The following PLPPR1 variants were observed in gnomAD, a reference collection of about 807,000 sequenced individuals.
PLPPR1 encodes phospholipid phosphatase-related protein type 1.
A neutral mutation model predicts 33.1 loss-of-function variants in PLPPR1; 10 were observed. That is an observed-to-expected ratio of 0.30 (90% CI 0.19 to 0.51). The LOEUF is 0.51. Among genes scored for constraint, PLPPR1 ranks in the 20% least tolerant of loss-of-function variants. The pLI is 0.97. For missense variants in PLPPR1, 304 were observed against 408.1 expected (o/e 0.74, Z 2.20); for synonymous variants, 151 against 151.0 (o/e 1.00, Z 0.00).
At chr9:101,098,634 G>C (rs1164278279) in intron 1 of PLPPR1, among the ~76,000 whole-genome samples, 1 of 152,102 alleles carries the variant, frequency 6.6e-6, no homozygotes, top group East Asian at 1.9e-4. Flanking sequence ...AACCCATCAG[G>C]GAAGCAGGCA....
chr9:101,046,435 C>CTTTTTTTTTTT (rs527884198), intron 1 of PLPPR1, among the ~76,000 whole-genome samples: 33 of 116,780 alleles, frequency 2.8e-4, no homozygotes, highest in African/African-American at 3.5e-4. Context: ...CTCTTTTATT[C>CTTTTTTTTTTT]TTTTTTTTTT....
At chr9:101,181,168 T>C (rs1455423024) in intron 1 of PLPPR1, among the ~76,000 whole-genome samples, 3 of 147,546 alleles carry the variant, frequency 2.0e-5, no homozygotes, top group African/African-American at 7.4e-5. Flanking sequence ...AATATATATC[T>C]AATATATATA....
rs558826816 is a variant in PLPPR1, at chr9:101,240,228, GT to G, written c.64-29650del. Among the ~76,000 whole-genome samples, 395 of 151,950 alleles carry G rather than the reference GT, an allele frequency of 2.6e-3. 1 individual carries two copies. Among genetic ancestry groups the G allele is most frequent in the Non-Finnish European group, 4.1e-3 (277 of 67,922 alleles). On this transcript the variant is annotated intron_variant, in intron 2 of 7. Coordinates refer to ENST00000374874, the MANE Select transcript of PLPPR1 (RefSeq NM_207299.2). ...TCCGAATATGAGGATTTATTTATGG[GT>G]TCTCTGTTCCATTTCATTGGTCTGT...
intron 7 of PLPPR1, among the ~76,000 whole-genome samples, chr9:101,319,000 T>C (rs1487254742): frequency 6.6e-6 from 1 of 152,208 alleles, no homozygotes; most frequent in Non-Finnish European, 1.5e-5. Context: ...TCGTAAAATC[T>C]TGTTTGCATT....
intron 2 of PLPPR1, among the ~76,000 whole-genome samples, chr9:101,191,370 T>A (rs1048174244): frequency 2.0e-5 from 3 of 152,198 alleles, no homozygotes; most frequent in African/African-American, 7.2e-5. Context: ...TAAAAAGAGA[T>A]AAAATTCAAA....
chr9:101,154,900 G>A (rs977908318), intron 1 of PLPPR1, among the ~76,000 whole-genome samples: 1 of 139,746 alleles, frequency 7.2e-6, no homozygotes, highest in East Asian at 2.2e-4. Context: ...TCATAGGTGG[G>A]AATTGAACAA....
At chr9:101,180,458 C>T (rs146490397) in intron 1 of PLPPR1, among the ~76,000 whole-genome samples, 27 of 151,278 alleles carry the variant, frequency 1.8e-4, no homozygotes, top group Admixed American at 7.3e-4. Flanking sequence ...AAGAATAAAA[C>T]GGAATGCATT....
In PLPPR1 at chr9:101,258,932, G is replaced by A. The variant is rs79074657; in HGVS notation, c.64-10948G>A. On this transcript the variant is annotated intron_variant, in intron 2 of 7. Coordinates refer to ENST00000374874, the MANE Select transcript of PLPPR1 (RefSeq NM_207299.2). ...GCCTGCCAGTTTTGTATCACTATAC[G>A]TTTAACATTCTTCTATGTATTCATC... Among the ~76,000 whole-genome samples, 574 of 152,172 alleles carry A rather than the reference G, an allele frequency of 3.8e-3. 3 individuals are homozygous for A. The highest frequency in any genetic ancestry group is 0.013 in the African/African-American group (553 of 41,538).
chr9:101,063,167 C>T (rs1232354289), intron 1 of PLPPR1, among the ~76,000 whole-genome samples: 2 of 152,010 alleles, frequency 1.3e-5, no homozygotes, highest in East Asian at 1.9e-4. Flanking sequence ...AGGTAATGCA[C>T]GAGGCACTTC....
At chr9:101,113,932 A>T (rs1020123705) in intron 1 of PLPPR1, among the ~76,000 whole-genome samples, 2 of 152,230 alleles carry the variant, frequency 1.3e-5, no homozygotes, top group Non-Finnish European at 2.9e-5. Flanking sequence ...GCAGGCAGAG[A>T]AGAAGGCCTG....
At chr9:101,220,149 A>G (rs149710858) in intron 2 of PLPPR1, among the ~76,000 whole-genome samples, 30 of 152,250 alleles carry the variant, frequency 2.0e-4, no homozygotes, top group Admixed American at 3.9e-4. Flanking sequence ...CTACCCACTA[A>G]ATGCCTTGAG....
rs1400644182 is a variant in PLPPR1, at chr9:101,285,601, T to C, written c.253-503T>C. ...CTATATAACAAAACTAATTTTACCA[T>C]AGACTAATTGATATAAAGAAGAGTT... On this transcript the variant is annotated intron_variant, in intron 3 of 7. Coordinates refer to ENST00000374874, the MANE Select transcript of PLPPR1 (RefSeq NM_207299.2). 2.0e-5 allele frequency among the ~76,000 whole-genome samples: 3 copies of C among 152,198 alleles called. No individual in the cohort carries two copies. In the East Asian group the frequency reaches 5.8e-4, roughly 29 times the overall value.
At chr9:101,115,341 C>T (rs1229467916) in intron 1 of PLPPR1, among the ~76,000 whole-genome samples, 1 of 152,090 alleles carries the variant, frequency 6.6e-6, no homozygotes, top group African/African-American at 2.4e-5. Context: ...CCTGTGAGGG[C>T]GATTGTGATA....
At chr9:101,284,052 G>A (rs758568865) in intron 3 of PLPPR1, among the ~76,000 whole-genome samples, 2 of 151,880 alleles carry the variant, frequency 1.3e-5, no homozygotes, top group African/African-American at 2.4e-5. Flanking sequence ...TACAGCCATC[G>A]TATAGGAATC....
At chr9:101,041,377 A>G (rs909958863) in intron 1 of PLPPR1, among the ~76,000 whole-genome samples, 4 of 152,196 alleles carry the variant, frequency 2.6e-5, no homozygotes, top group African/African-American at 4.8e-5. Context: ...ATAAAGACTC[A>G]TTTGTCTACA....
At chr9:101,246,500 G>A (rs976449315) in intron 2 of PLPPR1, among the ~76,000 whole-genome samples, 2 of 151,916 alleles carry the variant, frequency 1.3e-5, no homozygotes, top group African/African-American at 2.4e-5. Context: ...AGATACTATT[G>A]TTTCCATTTT....
intron 2 of PLPPR1, among the ~76,000 whole-genome samples, chr9:101,226,816 G>A (rs1827079993): frequency 6.6e-6 from 1 of 152,124 alleles, no homozygotes; most frequent in Non-Finnish European, 1.5e-5. Flanking sequence ...AGGAAGAGAA[G>A]AGGCATGTCC....
chr9:101,161,616 G>A (rs1038521046), intron 1 of PLPPR1, among the ~76,000 whole-genome samples: 3 of 152,066 alleles, frequency 2.0e-5, no homozygotes, highest in African/African-American at 7.2e-5. Flanking sequence ...GGTTCATTAA[G>A]GCAATCCTGG....
rs533222733 is a variant in PLPPR1 at position 101,233,188 on chromosome 9, G to A, written c.64-36692G>A. On this transcript the variant is annotated intron_variant, in intron 2 of 7. Coordinates refer to ENST00000374874, the MANE Select transcript of PLPPR1 (RefSeq NM_207299.2). The stretch of plus-strand genomic sequence containing the variant: ...ACATATATTTCATTTACCAACAGAT[G>A]GCTGCATTTAATTCTGTTTACTACC... Among the ~76,000 whole-genome samples the A allele has an allele frequency of 2.6e-5, 4 of 152,114 alleles. 1 individual carries two copies. In the South Asian group the frequency reaches 8.3e-4, roughly 32 times the overall value.
Sources: gnomAD v4.1 joint callset for allele counts (sites outside exome capture counted in the v4.1 genomes callset) on GRCh38, gnomAD v4.1.1 for gene constraint, MANE v1.5 for transcripts, NCBI Gene and HGNC (gene_info 2026-07-23, HGNC 2026-07-21) for gene names.